Variants in CFAP20DC observed in about 807,000 individuals in gnomAD.
The protein encoded by CFAP20DC is protein CFAP20DC.
Under a neutral mutation model 101.7 loss-of-function variants are expected in CFAP20DC, and 84 were observed. The ratio of observed to expected loss-of-function variants is 0.83; its 90% CI spans 0.69 to 0.99. CFAP20DC has a LOEUF of 0.99. CFAP20DC is among the 50% of genes least tolerant of loss of function. The probability of loss-of-function intolerance (pLI) is 0.00; values close to 1 mark genes in which losing one functional copy is unlikely to be tolerated. For missense variants in CFAP20DC, 1,007 were observed against 970.3 expected, an observed-to-expected ratio of 1.04 and a Z score of -0.50; for synonymous variants, 359 against 351.2, an observed-to-expected ratio of 1.02 and a Z score of -0.25.
chr3:58,791,406 A>G (rs1193041446), intron 15 of CFAP20DC, among the ~76,000 whole-genome samples: 2 of 152,142 alleles, frequency 1.3e-5, no homozygotes, highest in African/African-American at 4.8e-5. Flanking sequence ...GGAGAGGTTA[A>G]CTAATGTCAT....
chr3:58,905,436 A>G (rs2083499598), intron 6 of CFAP20DC, among the ~76,000 whole-genome samples: 1 of 152,198 alleles, frequency 6.6e-6, no homozygotes, highest in Non-Finnish European at 1.5e-5. Context: ...TCTCCTCAGG[A>G]GCCATAAAAG....
rs373577770 is a variant in CFAP20DC at position 58,964,379 on chromosome 3, C to T, written c.279-26617G>A. Among the ~76,000 whole-genome samples, 57 of 152,306 alleles carry T rather than the reference C, an allele frequency of 3.7e-4. No homozygotes were observed. Among genetic ancestry groups the T allele is most frequent in the East Asian group, 1.2e-3 (6 of 5,188 alleles). On this transcript the variant is annotated intron_variant, in intron 4 of 16. Coordinates refer to ENST00000482387, the MANE Select transcript of CFAP20DC (RefSeq NM_001394063.1). The surrounding 1 kb of genome is among the most constrained non-coding windows in gnomAD (Gnocchi z 4.1). ...TCTCCACCCCAAGGTGGGCATGTAA[C>T]GTGTATGTTTCCTTATCACTCATGC...
chr3:58,885,712 T>C (rs963602876), intron 6 of CFAP20DC, among the ~76,000 whole-genome samples: 1 of 151,722 alleles, frequency 6.6e-6, no homozygotes, highest in Non-Finnish European at 1.5e-5. Context: ...ACACGTGGCA[T>C]TCAACTTTCT....
At chr3:58,753,393 C>T (rs1465944578) in intron 16 of CFAP20DC, among the ~76,000 whole-genome samples, 3 of 152,118 alleles carry the variant, frequency 2.0e-5, no homozygotes, top group South Asian at 2.1e-4. Context: ...AAGGAATAAT[C>T]GGGGAGGCAC....
At chr3:58,924,561 T>C (rs924914170) in intron 5 of CFAP20DC, among the ~76,000 whole-genome samples, 9 of 152,126 alleles carry the variant, frequency 5.9e-5, no homozygotes, top group African/African-American at 2.2e-4. Flanking sequence ...CTTTTTGATA[T>C]GAGGATTTCT....
In CFAP20DC at chr3:58,863,150, A is replaced by G; in HGVS notation, c.1593+408T>C. 1 of 1,073,074 alleles carries G rather than the reference A, an allele frequency of 9.3e-7. No homozygotes were observed. The highest frequency in any genetic ancestry group is 3.9e-5 in the South Asian group (1 of 25,410). 66.5% of individuals were successfully genotyped at this position (1,073,074 alleles called of 1,614,324 possible). Reference sequence around the variant, plus strand: ...TAAGGTGAAAAGATGGCAGGGGAGTAAGGAAGCCAGAAAACCATCAATTTA... The same window carrying G: ...TAAGGTGAAAAGATGGCAGGGGAGTGAGGAAGCCAGAAAACCATCAATTTA... On this transcript the variant is annotated intron_variant, in intron 12 of 16. Transcript: ENST00000482387. The surrounding 1 kb of genome is among the most constrained non-coding windows in gnomAD (Gnocchi z 5.9).
chr3:58,763,322 G>C (rs1189183956), intron 15 of CFAP20DC, among the ~76,000 whole-genome samples: 1 of 152,128 alleles, frequency 6.6e-6, no homozygotes, highest in Non-Finnish European at 1.5e-5. Flanking sequence ...TCTTCCAGTT[G>C]ATCGAATCGG....
chr3:58,979,610 T>C (rs1485342477), intron 4 of CFAP20DC, among the ~76,000 whole-genome samples: 1 of 152,196 alleles, frequency 6.6e-6, no homozygotes, highest in East Asian at 1.9e-4. Context: ...CGGTCTGGTA[T>C]CTAAAGTATA....
chr3:58,785,933 T>G (rs1374438907), intron 15 of CFAP20DC, among the ~76,000 whole-genome samples: 3 of 152,090 alleles, frequency 2.0e-5, no homozygotes, highest in African/African-American at 7.2e-5. Flanking sequence ...ACTCCATTGG[T>G]TTCCTCCCAT....
At chr3:59,049,505 A>C in intron 1 of CFAP20DC, 106 bp downstream of exon 1, 2 of 1,067,496 alleles carry the variant, frequency 1.9e-6, no homozygotes, top group Non-Finnish European at 2.8e-6. Flanking sequence ...CCTGAAAAAG[A>C]CCTTATTATG....
intron 15 of CFAP20DC, among the ~76,000 whole-genome samples, chr3:58,792,666 C>G (rs952512416): frequency 6.6e-6 from 1 of 150,874 alleles, no homozygotes; most frequent in Admixed American, 6.6e-5. Context: ...TCAGAGTACT[C>G]AATTGAAATT....
chr3:59,005,001 CT>C (rs2093403254), intron 4 of CFAP20DC, among the ~76,000 whole-genome samples: 2 of 152,108 alleles, frequency 1.3e-5, no homozygotes, highest in South Asian at 4.1e-4. Context: ...CTATCCATAC[CT>C]TTTGTCCTGT....
chr3:58,742,773 C>A lies in CFAP20DC; in HGVS notation c.2333-201G>T, dbSNP rs193252268. On this transcript the variant is annotated intron_variant, in intron 16 of 16. Coordinates refer to ENST00000482387, the MANE Select transcript of CFAP20DC (RefSeq NM_001394063.1). ...CAGGTGGAGAAGAAACACCAGTGAC[C>A]AGAAGGACCAACTTCTTGACAAAGG... Among the ~76,000 whole-genome samples, 75 of 152,202 alleles carry A rather than the reference C, an allele frequency of 4.9e-4. 1 individual carries two copies. The highest frequency in any genetic ancestry group is 1.8e-3 in the African/African-American group (73 of 41,544).
At chr3:58,898,537 T>C (rs986740803) in intron 6 of CFAP20DC, among the ~76,000 whole-genome samples, 2 of 152,242 alleles carry the variant, frequency 1.3e-5, no homozygotes, top group Non-Finnish European at 2.9e-5. Flanking sequence ...CTCCATCAGT[T>C]CAGTTACGTT....
At chr3:58,866,758 G>T in intron 10 of CFAP20DC, 70 bp from the exon 11 acceptor site, 3 of 1,015,292 alleles carry the variant, frequency 3.0e-6, no homozygotes, top group Non-Finnish European at 3.0e-6. Context: ...TTAGAAGAAT[G>T]GTTTACTTTG....
chr3:59,018,457 T>A (rs2093734099), intron 4 of CFAP20DC: 1 of 152,086 alleles, frequency 6.6e-6, no homozygotes, highest in African/African-American at 2.4e-5. Context: ...CTTAACCAAG[T>A]GATTGAAGTT....
intron 4 of CFAP20DC, among the ~76,000 whole-genome samples, chr3:58,938,820 T>C (rs1032855524): frequency 2.6e-5 from 4 of 152,092 alleles, no homozygotes; most frequent in African/African-American, 7.2e-5. Flanking sequence ...CAGTAAAAAT[T>C]AGGTAAGATG....
intron 4 of CFAP20DC, among the ~76,000 whole-genome samples, chr3:59,008,716 G>C (rs1296739683): frequency 6.6e-6 from 1 of 152,008 alleles, no homozygotes; most frequent in Admixed American, 6.5e-5. Context: ...GTTGTGGGGT[G>C]GGAGGAGGGG....
intron 13 of CFAP20DC, among the ~76,000 whole-genome samples, chr3:58,840,846 T>C (rs1191780774): frequency 2.0e-5 from 3 of 152,192 alleles, no homozygotes; most frequent in Admixed American, 2.0e-4. Flanking sequence ...CTCCATTTTA[T>C]AGATGAGGTA....
Sources: allele counts gnomAD v4.1 joint callset (sites outside exome capture counted in the v4.1 genomes callset), GRCh38; gene constraint gnomAD v4.1.1; non-coding constraint Gnocchi (gnomAD v3.1); transcripts MANE v1.5; gene names NCBI Gene and HGNC (gene_info 2026-07-23, HGNC 2026-07-21).